Variants in ATRNL1 observed in about 807,000 individuals in gnomAD.
ATRNL1 encodes the protein attractin like 1, also known as attractin-like protein 1.
In ATRNL1, 95 loss-of-function variants were observed where a neutral mutation model predicts 182.7. The ratio of observed to expected loss-of-function variants is 0.52; its 90% CI spans 0.44 to 0.62. The LOEUF (loss-of-function observed/expected upper bound fraction) is 0.62, where lower values mean the gene tolerates loss of function less well. ATRNL1 is among the 20% of genes least tolerant of loss of function. ATRNL1 has a pLI of 0.00. For synonymous variants in ATRNL1, 576 were observed against 568.3 expected, an observed-to-expected ratio of 1.01 and a Z score of -0.19; for missense variants, 1,471 against 1,679.5, an observed-to-expected ratio of 0.88 and a Z score of 2.17.
intron 25 of ATRNL1, among the ~76,000 whole-genome samples, chr10:115,546,400 T>A (rs1305147256): frequency 6.6e-6 from 1 of 151,672 alleles, no homozygotes; most frequent in Non-Finnish European, 1.5e-5. Flanking sequence ...CCGTCTCTAC[T>A]AAAAATACAA....
At chr10:115,245,046 C>A (rs1850571818) in intron 10 of ATRNL1, among the ~76,000 whole-genome samples, 1 of 152,022 alleles carries the variant, frequency 6.6e-6, no homozygotes, top group African/African-American at 2.4e-5. Flanking sequence ...TTACTTATGA[C>A]ATTAATTTCT....
In ATRNL1 at chr10:115,182,051, C is replaced by T. The variant is rs527484620; in HGVS notation, c.1348+10759C>T. The stretch of plus-strand genomic sequence containing the variant: ...TATCCTAAATGAATTTTTTCAAACT[C>T]TTAGATTCAGTGAGTGAACAATACA... On this transcript the variant is annotated intron_variant, in intron 8 of 28. Transcript: ENST00000355044. 4.6e-5 allele frequency among the ~76,000 whole-genome samples: 7 copies of T among 151,678 alleles called. No homozygotes were observed. In the South Asian group the frequency reaches 1.5e-3, roughly 31 times the overall value.
chr10:115,531,524 A>G (rs1461970459), intron 25 of ATRNL1, among the ~76,000 whole-genome samples: 12 of 151,224 alleles, frequency 7.9e-5, no homozygotes, highest in African/African-American at 2.9e-4. Flanking sequence ...GATTCTGGAT[A>G]TTAGTCCTTT....
At chr10:115,447,065 A>G (rs1482676763) in intron 21 of ATRNL1, among the ~76,000 whole-genome samples, 3 of 151,864 alleles carry the variant, frequency 2.0e-5, no homozygotes, top group Non-Finnish European at 4.4e-5. Flanking sequence ...ATTTTTTTCT[A>G]TTAACAAAGT....
In ATRNL1 at chr10:115,737,278, C is replaced by T. The variant is rs868978046; in HGVS notation, c.3903+9923C>T. ...CTGTCTCTACAAAACATCCCCCCCC[C>T]CCAAAAAAAAAGGCTGGGCATGGTG... is the stretch of plus-strand genomic sequence containing the variant. On this transcript the variant is annotated intron_variant, in intron 27 of 28. Coordinates refer to ENST00000355044, the MANE Select transcript of ATRNL1 (RefSeq NM_207303.4). Among the ~76,000 whole-genome samples the T allele has an allele frequency of 1.7e-3, 259 of 149,432 alleles. 1 individual carries two copies. Among genetic ancestry groups the T allele is most frequent in the African/African-American group, 5.9e-3 (238 of 40,284 alleles).
Position 115,469,203 on chromosome 10 carries a change from A to G in ATRNL1, c.3528A>G (p.Ile1176Met), listed in dbSNP as rs782485424. Residue 1176 changes from isoleucine (I) to methionine (M), a missense_variant, in exon 24 of 29, where the codon ATA becomes ATG. Physicochemically the swap from Ile to Met is conservative, Grantham distance 10 (BLOSUM62 1). Around this residue, in one of 3 missense-constraint regions of ATRNL1, gnomAD observed 437 missense variants for 506.0 expected, o/e 0.86. Coordinates refer to ENST00000355044, the MANE Select transcript of ATRNL1 (RefSeq NM_207303.4). Reference protein sequence around the residue: ...AGTISGEETSIVSKNNIKEYR... With the variant: ...AGTISGEETSMVSKNNIKEYR... ...CAATATCTGGGGAAGAGACTTCTAT[A>G]GTTTCCAAGAATAATATAAAGGAAT... 1.5e-6 allele frequency: 2 copies of G among 1,356,780 alleles called. No homozygotes were observed. Among genetic ancestry groups the G allele is most frequent in the Admixed American group, 2.8e-5 (1 of 36,328 alleles). 84.0% of individuals were successfully genotyped at this position (1,356,780 alleles called of 1,614,324 possible).
chr10:115,568,745 T>G (rs1327606925), intron 26 of ATRNL1, among the ~76,000 whole-genome samples: 1 of 151,906 alleles, frequency 6.6e-6, no homozygotes, highest in Non-Finnish European at 1.5e-5. Flanking sequence ...AGTAATATAT[T>G]AACATAATTC....
intron 27 of ATRNL1, among the ~76,000 whole-genome samples, chr10:115,775,332 C>T (rs1309395102): frequency 1.3e-5 from 2 of 152,082 alleles, no homozygotes; most frequent in African/African-American, 4.8e-5. Flanking sequence ...TAGAAAACAC[C>T]TAAGTAAAAT....
intron 19 of ATRNL1, among the ~76,000 whole-genome samples, chr10:115,340,437 G>C (rs565873409): frequency 6.6e-6 from 1 of 150,540 alleles, no homozygotes; most frequent in Non-Finnish European, 1.5e-5. Flanking sequence ...CACCACACCC[G>C]GCTAGTTTTC....
At chr10:115,420,224 A>T (rs1239649703) in intron 20 of ATRNL1, among the ~76,000 whole-genome samples, 1 of 151,868 alleles carries the variant, frequency 6.6e-6, no homozygotes, top group East Asian at 1.9e-4. Context: ...TTGTATTTTT[A>T]GTAGAGACGG....
At chr10:115,559,504 C>T (rs1393628660) in intron 26 of ATRNL1, among the ~76,000 whole-genome samples, 1 of 151,968 alleles carries the variant, frequency 6.6e-6, no homozygotes, top group Non-Finnish European at 1.5e-5. Flanking sequence ...TAAGAAACTT[C>T]AGGTTTAGCT....
chr10:115,596,467 A>T (rs1555014000), intron 26 of ATRNL1, among the ~76,000 whole-genome samples: 1 of 152,236 alleles, frequency 6.6e-6, no homozygotes, highest in African/African-American at 2.4e-5. Context: ...ATATGACTAC[A>T]TACAATTTTC....
intron 25 of ATRNL1, among the ~76,000 whole-genome samples, chr10:115,537,466 A>C (rs1279507395): frequency 6.6e-6 from 1 of 152,192 alleles, no homozygotes; most frequent in East Asian, 1.9e-4. Context: ...CTCTTTCCTT[A>C]ATGACCTACA....
intron 24 of ATRNL1, among the ~76,000 whole-genome samples, chr10:115,491,591 C>T (rs1210904146): frequency 1.3e-5 from 2 of 152,122 alleles, no homozygotes; most frequent in Non-Finnish European, 2.9e-5. Context: ...GTGGACGCCA[C>T]TCCCCCCACC....
At chr10:115,239,652 T>C (rs1554902383) in intron 9 of ATRNL1, among the ~76,000 whole-genome samples, 4 of 152,164 alleles carry the variant, frequency 2.6e-5, no homozygotes, top group African/African-American at 7.2e-5. Context: ...CACTACTTTA[T>C]GTACAGAGCA....
At chr10:115,426,185 G>T in intron 20 of ATRNL1, 65 bp from the exon 21 acceptor site, 1 of 1,342,232 alleles carries the variant, frequency 7.5e-7, no homozygotes, top group Non-Finnish European at 1.1e-6. Context: ...TTTTTTGCTT[G>T]AAGAAAAACA....
intron 28 of ATRNL1, among the ~76,000 whole-genome samples, chr10:115,868,965 G>A (rs1364267374): frequency 1.3e-5 from 2 of 151,590 alleles, no homozygotes; most frequent in Non-Finnish European, 2.9e-5. Flanking sequence ...GAGTAGCTGG[G>A]AGTACAGGCG....
At chr10:115,195,947 T>C (rs905286844) in intron 8 of ATRNL1, among the ~76,000 whole-genome samples, 6 of 152,080 alleles carry the variant, frequency 3.9e-5, no homozygotes, top group Non-Finnish European at 7.4e-5. Flanking sequence ...TCCTCAGATA[T>C]TTGTGATCCA....
chr10:115,426,111 T>C (rs1184107728), intron 20 of ATRNL1, 139 bp from the exon 21 acceptor site: 3 of 560,684 alleles, frequency 5.4e-6, no homozygotes, highest in South Asian at 3.2e-5. Flanking sequence ...CTTTCAAAGA[T>C]GTGTTTTTGA....
Sources: allele counts gnomAD v4.1 joint callset (sites outside exome capture counted in the v4.1 genomes callset), GRCh38; gene constraint gnomAD v4.1.1; regional missense constraint gnomAD v4.1.1; transcripts MANE v1.5; gene names NCBI Gene and HGNC (gene_info 2026-07-23, HGNC 2026-07-21).